IL17RA: variants seen among roughly 807,000 people sequenced by gnomAD.
IL17RA encodes interleukin-17 receptor A.
In IL17RA, 34 loss-of-function variants were observed where a neutral mutation model predicts 50.4. The observed-to-expected ratio is 0.67, with a 90% CI of 0.51 to 0.90. The LOEUF (loss-of-function observed/expected upper bound fraction) is 0.90, where lower values mean the gene tolerates loss of function less well. Among genes scored for constraint, IL17RA ranks in the 40% least tolerant of loss-of-function variants. The probability of loss-of-function intolerance (pLI) is 0.00; values close to 1 mark genes in which losing one functional copy is unlikely to be tolerated. For synonymous variants in IL17RA, 585 were observed against 510.4 expected (o/e 1.15, Z -1.97); for missense variants, 1,276 against 1,169.8 (o/e 1.09, Z -1.32).
At chr22:17,104,833 A>AGGCCATACTG in intron 9 of IL17RA, 23 bp downstream of exon 9, 1 of 1,611,092 alleles carries the variant, frequency 6.2e-7, no homozygotes, top group Non-Finnish European at 8.5e-7. Context: ...CGGCTGTCCT[A>AGGCCATACTG]GGCCATACTG....
At chr22:17,103,703 AG>A (rs2061400478) in intron 8 of IL17RA, 126 bp downstream of exon 8, 2 of 738,398 alleles carry the variant, frequency 2.7e-6, no homozygotes, top group African/African-American at 2.0e-5. Flanking sequence ...GCACAGGTGG[AG>A]AGAGTGGTGT....
chr22:17,108,146 A>G (rs1853071223), intron 12 of IL17RA, among the ~76,000 whole-genome samples, 161 bp from the exon 13 acceptor site: 1 of 152,194 alleles, frequency 6.6e-6, no homozygotes, highest in African/African-American at 2.4e-5. Context: ...CAAAGGTGGA[A>G]TAGTAACATC....
chr22:17,086,918 G>C (rs1440480225), intron 1 of IL17RA, among the ~76,000 whole-genome samples: 1 of 152,246 alleles, frequency 6.6e-6, no homozygotes, highest in Non-Finnish European at 1.5e-5. Flanking sequence ...TCTGCTGTGC[G>C]TGGCGTGGGA....
At chr22:17,094,691 C>CTCTCTCTCTATATATATATATATATA (rs1448096911) in intron 1 of IL17RA, among the ~76,000 whole-genome samples, 5 of 24,702 alleles carry the variant, frequency 2.0e-4, no homozygotes, top group African/African-American at 4.5e-4. Flanking sequence ...CTCTCTCTCT[C>CTCTCTCTCTATATATATATATATATA]TATATATATA....
At chr22:17,101,944 C>G in intron 5 of IL17RA, 52 bp from the exon 6 acceptor site, 1 of 1,609,762 alleles carries the variant, frequency 6.2e-7, no homozygotes, top group Non-Finnish European at 8.5e-7. Flanking sequence ...TCTGGAAGAA[C>G]AGATTTCTGA....
At chr22:17,098,920 C>T (rs1457110466) in intron 4 of IL17RA, 33 bp downstream of exon 4, 2 of 1,510,994 alleles carry the variant, frequency 1.3e-6, no homozygotes, top group Non-Finnish European at 1.8e-6. Flanking sequence ...GATTATGTTC[C>T]ACTGATGACA....
rs1394887329 is a variant in IL17RA at position 17,108,590 on chromosome 22, G to C, written c.1371G>C (p.Ala457=). 1 of 1,605,242 alleles carries C rather than the reference G, an allele frequency of 6.2e-7. No individual in the cohort carries two copies. The highest frequency in any genetic ancestry group is 8.5e-7 in the Non-Finnish European group (1 of 1,179,668). ...CSRGTRAKWQ[A]LLGRGAPVRL... ...GCGGCACGCGCGCCAAGTGGCAGGC[G>C]CTCCTGGGCCGGGGGGCGCCTGTGC... The change falls in exon 13 of 13, where the codon GCG becomes GCC. Residue 457 remains alanine (A), a synonymous_variant. Transcript: ENST00000319363.
intron 2 of IL17RA, 65 bp downstream of exon 2, chr22:17,097,151 C>A (rs2061371320): frequency 1.3e-6 from 2 of 1,484,506 alleles, no homozygotes; most frequent in Admixed American, 1.7e-5. Flanking sequence ...CTGCTGCCAA[C>A]TTCTGACAGA....
intron 9 of IL17RA, 100 bp downstream of exon 9, chr22:17,104,910 G>C: frequency 8.7e-7 from 1 of 1,142,880 alleles, no homozygotes; most frequent in Non-Finnish European, 1.3e-6. Flanking sequence ...GGGTGATTAG[G>C]GAGGAGAGTT....
chr22:17,098,965 T>A, intron 4 of IL17RA, 78 bp downstream of exon 4: 4 of 1,168,444 alleles, frequency 3.4e-6, no homozygotes. Flanking sequence ...ATTCAGACCC[T>A]GATTTAGAGT....
At chr22:17,089,920 G>A (rs1467036878) in intron 1 of IL17RA, among the ~76,000 whole-genome samples, 2 of 149,796 alleles carry the variant, frequency 1.3e-5, no homozygotes, top group East Asian at 3.9e-4. Flanking sequence ...GATGACTATT[G>A]GAGAGGAATT....
chr22:17,099,865 A>T (rs1568919340), intron 4 of IL17RA, among the ~76,000 whole-genome samples: 1 of 152,170 alleles, frequency 6.6e-6, no homozygotes, highest in South Asian at 2.1e-4. Context: ...GCCCAGGGTG[A>T]GTGGGGGTCT....
chr22:17,102,483 A>G (rs550044753), intron 7 of IL17RA, among the ~76,000 whole-genome samples, 181 bp downstream of exon 7: 34 of 152,214 alleles, frequency 2.2e-4, no homozygotes, highest in African/African-American at 8.2e-4. Flanking sequence ...TATGCTTGAT[A>G]GAAAGGCAGT....
At chr22:17,098,414 C>A (rs1008250002) in intron 3 of IL17RA, among the ~76,000 whole-genome samples, 3 of 152,156 alleles carry the variant, frequency 2.0e-5, no homozygotes, top group Non-Finnish European at 2.9e-5. Context: ...GGGGGAAGTT[C>A]TTTTTGGAAG....
intron 5 of IL17RA, among the ~76,000 whole-genome samples, chr22:17,101,110 A>G (rs2061389698): frequency 6.6e-6 from 1 of 151,996 alleles, no homozygotes; most frequent in Admixed American, 6.6e-5. Context: ...CTATAGTGCA[A>G]TTTTGCTATC....
At chr22:17,088,610 C>G (rs1422271329) in intron 1 of IL17RA, among the ~76,000 whole-genome samples, 1 of 152,138 alleles carries the variant, frequency 6.6e-6, no homozygotes, top group African/African-American at 2.4e-5. Flanking sequence ...CTCAGCCTCC[C>G]AAGTAGCTGG....
chr22:17,092,553 C>T (rs907613194), intron 1 of IL17RA, among the ~76,000 whole-genome samples: 49 of 151,932 alleles, frequency 3.2e-4, no homozygotes, highest in African/African-American at 1.7e-4. Flanking sequence ...TGTCTGCTGC[C>T]GAATTGATTG....
rs768987583 is a variant in IL17RA at position 17,108,337 on chromosome 22, C to T, written c.1118C>T (p.Pro373Leu). 2.5e-5 allele frequency: 41 copies of T among 1,614,134 alleles called. No homozygotes were observed. In the East Asian group the frequency reaches 7.1e-4, roughly 28 times the overall value. Residue 373 changes from proline (P) to leucine (L), a missense_variant, in exon 13 of 13, where the codon CCA becomes CTA. By Grantham distance (98) the Pro-to-Leu change is moderately conservative. Coordinates refer to ENST00000319363, the MANE Select transcript of IL17RA (RefSeq NM_014339.7). ...CTGCCTGCGGCTGACCTGATCCCCC[C>T]ACCGCTGAAGCCCAGGAAGGTCTGG... is the stretch of plus-strand genomic sequence containing the variant. ...DGLPAADLIP[P>L]PLKPRKVWII... is the part of the protein sequence containing the mutation.
intron 3 of IL17RA, among the ~76,000 whole-genome samples, chr22:17,098,371 T>C (rs2061376386): frequency 1.3e-5 from 2 of 152,234 alleles, no homozygotes; most frequent in Admixed American, 6.5e-5. Context: ...TTGGGGCTTA[T>C]GAGCACTAGC....
Sources: allele counts gnomAD v4.1 joint callset (sites outside exome capture counted in the v4.1 genomes callset), GRCh38; gene constraint gnomAD v4.1.1; transcripts MANE v1.5; gene names NCBI Gene and HGNC (gene_info 2026-07-23, HGNC 2026-07-21).